The following WDR27 variants were observed in gnomAD, a reference collection of about 807,000 sequenced individuals.
WDR27 encodes the protein WD repeat domain 27.
WDR27 carries 100 observed loss-of-function variants against 114.4 expected under a neutral mutation model. The ratio of observed to expected loss-of-function variants is 0.87; its 90% CI spans 0.74 to 1.03. The LOEUF (loss-of-function observed/expected upper bound fraction) is 1.03, where lower values mean the gene tolerates loss of function less well. Ranked by LOEUF, WDR27 falls within the 50% of genes least tolerant of loss-of-function variation. WDR27 has a pLI of 0.00. For synonymous variants in WDR27, 449 were observed against 423.1 expected (o/e 1.06, Z -0.75); for missense variants, 1,129 against 1,092.9 (o/e 1.03, Z -0.47).
rs150885914 is a variant in WDR27, at chr6:169,628,768, C to A, written c.2223+4179G>T. 3.8e-3 allele frequency among the ~76,000 whole-genome samples: 584 copies of A among 152,252 alleles called. 5 individuals carry two copies. Among genetic ancestry groups the A allele is most frequent in the African/African-American group, 0.013 (559 of 41,552 alleles). ...GACTACCACCTTCTGCCTTGTATTT[C>A]TTTGAACACTGAAACCATATCTAAC... On this transcript the variant is annotated intron_variant, in intron 21 of 25. Coordinates refer to ENST00000448612, the MANE Select transcript of WDR27 (RefSeq NM_182552.5).
At chr6:169,494,616 G>C (rs759444774) in intron 25 of WDR27, among the ~76,000 whole-genome samples, 1 of 152,102 alleles carries the variant, frequency 6.6e-6, no homozygotes. Context: ...GTTATGGGGT[G>C]CAAAACTGCA....
In WDR27 at chr6:169,698,301, C is replaced by A. The variant is rs75448678; in HGVS notation, c.-8+3250G>T. Among the ~76,000 whole-genome samples, 10 of 152,078 alleles carry A rather than the reference C, an allele frequency of 6.6e-5. 1 individual carries two copies. In the East Asian group the frequency reaches 1.8e-3, roughly 27 times the overall value. ...ATGCCTACCTCTGCCTCAGTGTACT[C>A]GGCTTTAATGCCTACCTCTCCTGCC... On this transcript the variant is annotated intron_variant, in intron 1 of 25. Transcript: ENST00000448612.
At chr6:169,670,466 A>AT in intron 4 of WDR27, 103 bp downstream of exon 4, 2 of 1,318,232 alleles carry the variant, frequency 1.5e-6, no homozygotes, top group Non-Finnish European at 2.1e-6. Flanking sequence ...TTAAAAAAAA[A>AT]GGAGTACAGG....
At chr6:169,685,803 G>T (rs1304299254) in intron 2 of WDR27, among the ~76,000 whole-genome samples, 4 of 152,176 alleles carry the variant, frequency 2.6e-5, no homozygotes, top group Non-Finnish European at 5.9e-5. Context: ...AATCATAGCA[G>T]AGAACGTCTC....
chr6:169,645,036 T>TAAAAAAAAAAAAAAAAAAA (rs369797685), intron 16 of WDR27, among the ~76,000 whole-genome samples: 90 of 76,938 alleles, frequency 1.2e-3, no homozygotes, highest in Non-Finnish European at 1.9e-3. Context: ...AAAAAAAAAA[T>TAAAAAAAAAAAAAAAAAAA]AAAAAAAAAA....
At chr6:169,660,535 A>T in intron 10 of WDR27, 128 bp downstream of exon 10, 1 of 769,180 alleles carries the variant, frequency 1.3e-6, no homozygotes. Flanking sequence ...CTCAATGCTG[A>T]GTTGTGACTG....
chr6:169,691,548 C>T (rs1181001143), intron 1 of WDR27, among the ~76,000 whole-genome samples: 3 of 152,054 alleles, frequency 2.0e-5, no homozygotes, highest in South Asian at 2.1e-4. Context: ...AAAACATCTT[C>T]GGAGACAGAT....
chr6:169,431,356 A>G, the WDR27 span, among the ~76,000 whole-genome samples: 1 of 152,130 alleles, frequency 6.6e-6, no homozygotes, highest in Non-Finnish European at 1.5e-5. Context: ...CAGAAGTGGG[A>G]TCCAAAGCAC....
At chr6:169,689,143 C>T (rs1189274960) in intron 1 of WDR27, 131 bp from the exon 2 acceptor site, 3 of 536,284 alleles carry the variant, frequency 5.6e-6, no homozygotes, top group African/African-American at 3.9e-5. Flanking sequence ...ATTCACCTCT[C>T]CTCATCCCAA....
intron 25 of WDR27, among the ~76,000 whole-genome samples, chr6:169,469,944 T>A (rs1346920329): frequency 6.6e-6 from 1 of 152,238 alleles, no homozygotes; most frequent in African/African-American, 2.4e-5. Flanking sequence ...TTTTTTGCCA[T>A]ACTGATAGGC....
chr6:169,543,987 A>G (rs893134797), intron 25 of WDR27, among the ~76,000 whole-genome samples: 3 of 152,242 alleles, frequency 2.0e-5, no homozygotes, highest in African/African-American at 7.2e-5. Context: ...AGTTGACCAC[A>G]TCAACAAGCT....
intron 18 of WDR27, 67 bp downstream of exon 18, chr6:169,638,470 ATG>A: frequency 6.4e-7 from 1 of 1,568,488 alleles, no homozygotes; most frequent in East Asian, 2.3e-5. Flanking sequence ...AGGTAAAAGA[ATG>A]AGACTTTTGA....
In WDR27 at chr6:169,565,379, G is replaced by A. The variant is rs114636639; in HGVS notation, c.2645+7040C>T. Among the ~76,000 whole-genome samples, 383 of 152,230 alleles carry A rather than the reference G, an allele frequency of 2.5e-3. 4 individuals are homozygous for A. Among genetic ancestry groups the A allele is most frequent in the African/African-American group, 8.3e-3 (343 of 41,544 alleles). ...AATTAGAAACATCTAAGGAAATCCA[G>A]ACTGTATTTCAGATAAGGCGGAACA... is the stretch of plus-strand genomic sequence containing the variant. On this transcript the variant is annotated intron_variant, in intron 25 of 25. Transcript: ENST00000448612.
At chr6:169,451,760 T>C in the WDR27 span, among the ~76,000 whole-genome samples, 1 of 152,260 alleles carries the variant, frequency 6.6e-6, no homozygotes, top group South Asian at 2.1e-4. Flanking sequence ...TGGTTTTAAT[T>C]TGCATTTTCC....
chr6:169,448,317 G>C, the WDR27 span, among the ~76,000 whole-genome samples: 9 of 152,080 alleles, frequency 5.9e-5, no homozygotes, highest in Admixed American at 2.6e-4. Context: ...TTGGGACAGG[G>C]AGTATGGTTG....
At chr6:169,672,840 G>T (rs1364695042) in intron 2 of WDR27, among the ~76,000 whole-genome samples, 1 of 152,130 alleles carries the variant, frequency 6.6e-6, no homozygotes, top group Non-Finnish European at 1.5e-5. Context: ...TGAGGCCCAG[G>T]TGTGGCGACC....
chr6:169,681,948 C>A (rs1447767855), intron 2 of WDR27, among the ~76,000 whole-genome samples: 2 of 152,180 alleles, frequency 1.3e-5, no homozygotes, highest in African/African-American at 4.8e-5. Context: ...CCACCCACAG[C>A]AGATCATAAG....
At chr6:169,464,360 T>G (rs1160937744) in intron 25 of WDR27, among the ~76,000 whole-genome samples, 1 of 152,144 alleles carries the variant, frequency 6.6e-6, no homozygotes, top group African/African-American at 2.4e-5. Context: ...GATCCTTTCC[T>G]TACAGCACAG....
At chr6:169,675,539 G>A (rs1359307520) in intron 2 of WDR27, among the ~76,000 whole-genome samples, 1 of 152,124 alleles carries the variant, frequency 6.6e-6, no homozygotes, top group African/African-American at 2.4e-5. Context: ...GGTGGTTGGG[G>A]TACAGCTTGG....
Sources: gnomAD v4.1 joint callset for allele counts (sites outside exome capture counted in the v4.1 genomes callset) on GRCh38, gnomAD v4.1.1 for gene constraint, MANE v1.5 for transcripts, NCBI Gene and HGNC (gene_info 2026-07-23, HGNC 2026-07-21) for gene names.